Variants in PLEKHH2 observed in about 807,000 individuals in gnomAD.
The protein encoded by PLEKHH2 is pleckstrin homology, MyTH4 and FERM domain containing H2, also known as pleckstrin homology domain-containing family H member 2.
Under a neutral mutation model 187.9 loss-of-function variants are expected in PLEKHH2, and 129 were observed. That is an observed-to-expected ratio of 0.69 (90% CI 0.59 to 0.79). The LOEUF is 0.79. Ranked by LOEUF, PLEKHH2 falls within the 30% of genes least tolerant of loss-of-function variation. The pLI is 0.00. For synonymous variants in PLEKHH2, 686 were observed against 605.6 expected (o/e 1.13, Z -1.95); for missense variants, 2,076 against 1,751.2 (o/e 1.19, Z -3.31).
At chr2:43,729,426 A>G (rs541971617) in intron 17 of PLEKHH2, among the ~76,000 whole-genome samples, 54 of 152,348 alleles carry the variant, frequency 3.5e-4, no homozygotes, top group Middle Eastern at 3.4e-3. Flanking sequence ...TCTGAATAAG[A>G]AAAGTGTAAA....
At chr2:43,691,180 A>G (rs988838348) in intron 3 of PLEKHH2, among the ~76,000 whole-genome samples, 2 of 152,160 alleles carry the variant, frequency 1.3e-5, no homozygotes, top group Non-Finnish European at 2.9e-5. Context: ...TAGCTCAGCT[A>G]CATCTGGGTT....
chr2:43,657,761 C>T (rs1666865188), intron 2 of PLEKHH2, among the ~76,000 whole-genome samples: 1 of 152,150 alleles, frequency 6.6e-6, no homozygotes, highest in Non-Finnish European at 1.5e-5. Flanking sequence ...AGAAGGTGGA[C>T]CTACCTCTGC....
chr2:43,699,599 G>A, intron 7 of PLEKHH2, 48 bp from the exon 8 acceptor site: 1 of 1,561,886 alleles, frequency 6.4e-7, no homozygotes. Flanking sequence ...TGTACAGAAA[G>A]ATTATATTCT....
intron 2 of PLEKHH2, among the ~76,000 whole-genome samples, chr2:43,667,853 A>G (rs981739173): frequency 7.2e-5 from 11 of 152,200 alleles, no homozygotes; most frequent in African/African-American, 2.7e-4. Flanking sequence ...CTGTTCTGGA[A>G]TTAAATGGTG....
intron 21 of PLEKHH2, chr2:43,741,391 A>C (rs961981907): frequency 1.3e-5 from 2 of 157,472 alleles, no homozygotes; most frequent in African/African-American, 4.8e-5. Context: ...ATTTCTCTGC[A>C]CATTGAATTC....
At chr2:43,734,310 A>G (rs7584217) in intron 19 of PLEKHH2, among the ~76,000 whole-genome samples, 61,993 of 152,082 alleles carry the variant, frequency 0.41, 14,721 homozygotes, top group African/African-American at 0.66. Flanking sequence ...TTGCTTTCAT[A>G]TGAGAATGCA....
At position 43,766,637 on chromosome 2, in the gene PLEKHH2, G is replaced by T. The variant is rs1335809771; in HGVS notation, c.*1039G>T. On this transcript the variant is annotated 3_prime_UTR_variant, in exon 30 of 30. Coordinates refer to ENST00000282406, the MANE Select transcript of PLEKHH2 (RefSeq NM_172069.4). Reference sequence around the variant, plus strand: ...TTTTTTGAGGCAGGGTCTCACTCTGGTTGCCCAGGCTGGAGTGCAGTGGTG... The same window carrying T: ...TTTTTTGAGGCAGGGTCTCACTCTGTTTGCCCAGGCTGGAGTGCAGTGGTG... The T allele has an allele frequency of 6.6e-6, 1 of 152,208 alleles. No individual in the cohort carries two copies. The highest frequency in any genetic ancestry group is 1.5e-5 in the Non-Finnish European group (1 of 68,226). The allele number at this position is 152,208 out of a possible 1,614,324, so 9.4% of individuals were successfully genotyped here.
At chr2:43,701,706 T>TAA (rs34834673) in intron 8 of PLEKHH2, among the ~76,000 whole-genome samples, 2 of 129,714 alleles carry the variant, frequency 1.5e-5, no homozygotes, top group Admixed American at 7.9e-5. Flanking sequence ...ACTGCTAGAC[T>TAA]AAAAAAAAAA....
intron 2 of PLEKHH2, among the ~76,000 whole-genome samples, chr2:43,670,801 G>T (rs1056016426): frequency 6.6e-6 from 1 of 151,944 alleles, no homozygotes; most frequent in Admixed American, 6.6e-5. Context: ...CTGACTCATA[G>T]TTTAACTCTC....
At position 43,700,515 on chromosome 2, in the gene PLEKHH2, T is replaced by TC; in HGVS notation, c.1559dup (p.Asn521LysfsTer4). 1 of 1,614,038 alleles carries TC rather than the reference T, an allele frequency of 6.2e-7. No homozygotes were observed. The highest frequency in any genetic ancestry group is 8.5e-7 in the Non-Finnish European group (1 of 1,180,008). ...TATTTTCCTATGACTCCTTGGACTCTCCAAATTCAGATGACCAGGAACACT... is the reference window on the plus strand; with the variant it reads ...TATTTTCCTATGACTCCTTGGACTCTCCCAAATTCAGATGACCAGGAACACT... On this transcript the variant is annotated frameshift_variant, in exon 8 of 30. Coordinates refer to ENST00000282406, the MANE Select transcript of PLEKHH2 (RefSeq NM_172069.4). LOFTEE classifies it high-confidence loss of function.
intron 2 of PLEKHH2, among the ~76,000 whole-genome samples, chr2:43,656,151 T>A (rs1373292240): frequency 6.6e-6 from 1 of 152,102 alleles, no homozygotes; most frequent in Non-Finnish European, 1.5e-5. Flanking sequence ...GAGATGGGAT[T>A]TTGCCATGTT....
At chr2:43,722,134 T>C (rs1670512138) in intron 16 of PLEKHH2, among the ~76,000 whole-genome samples, 1 of 150,770 alleles carries the variant, frequency 6.6e-6, no homozygotes, top group Non-Finnish European at 1.5e-5. Flanking sequence ...TGCATGCTTG[T>C]AGTCCTGGCT....
chr2:43,683,124 T>G lies in PLEKHH2; in HGVS notation c.186+4199T>G, dbSNP rs183830459. Among the ~76,000 whole-genome samples the G allele has an allele frequency of 6.5e-3, 979 of 151,384 alleles. 15 individuals carry two copies. Among genetic ancestry groups the G allele is most frequent in the African/African-American group, 0.023 (938 of 41,244 alleles). ...TATTTGTTTGAGTACCCCTTTTTAATTCTTTTATTTATATACCCTTTTTTT... is the reference window on the plus strand; with the variant it reads ...TATTTGTTTGAGTACCCCTTTTTAAGTCTTTTATTTATATACCCTTTTTTT... On this transcript the variant is annotated intron_variant, in intron 3 of 29. Coordinates refer to ENST00000282406, the MANE Select transcript of PLEKHH2 (RefSeq NM_172069.4).
At position 43,674,717 on chromosome 2, in the gene PLEKHH2, G is replaced by A. The variant is rs371792127; in HGVS notation, c.124-4146G>A. Among the ~76,000 whole-genome samples the A allele has an allele frequency of 2.0e-5, 3 of 152,176 alleles. No homozygotes were observed. In the East Asian group the frequency reaches 5.8e-4, roughly 29 times the overall value. ...TGCTGCCATGGGGCTGCGTGTGGTG[G>A]GTCATGCCTGTAATCTCAGCACTTT... On this transcript the variant is annotated intron_variant, in intron 2 of 29. Transcript: ENST00000282406.
chr2:43,709,174 T>C (rs1669820809), intron 11 of PLEKHH2, among the ~76,000 whole-genome samples: 1 of 152,194 alleles, frequency 6.6e-6, no homozygotes, highest in South Asian at 2.1e-4. Flanking sequence ...GTGAAAGAAA[T>C]AGTTTGTTTA....
chr2:43,700,361 T>A lies in PLEKHH2; in HGVS notation c.1403T>A (p.Met468Lys). The stretch of plus-strand genomic sequence containing the variant: ...CAGCCACAGTTAAGCTCTGACAGGA[T>A]GTTTGGTACAAATAGAAACGCTATA... Reference protein sequence around the residue: ...LSQPQLSSDRMFGTNRNAISM... With the variant: ...LSQPQLSSDRKFGTNRNAISM... Residue 468 changes from methionine (M) to lysine (K), a missense_variant, in exon 8 of 30, where the codon ATG becomes AAG. Met to Lys is a moderately conservative substitution (Grantham distance 95, BLOSUM62 -1). Transcript: ENST00000282406. The A allele has an allele frequency of 6.2e-7, 1 of 1,614,170 alleles. No individual in the cohort carries two copies. Among genetic ancestry groups the A allele is most frequent in the Non-Finnish European group, 8.5e-7 (1 of 1,180,030 alleles).
intron 3 of PLEKHH2, among the ~76,000 whole-genome samples, chr2:43,683,624 C>T (rs369797633): frequency 1.3e-5 from 2 of 151,944 alleles, no homozygotes; most frequent in African/African-American, 4.8e-5. Flanking sequence ...CTATTGCATA[C>T]CTATGATGTG....
rs1373318640 is a variant in PLEKHH2, at chr2:43,704,044, AGT to A, written c.1717_1718del (p.Val573Ter). The A allele has an allele frequency of 6.3e-7, 1 of 1,592,706 alleles. No homozygotes were observed. Among genetic ancestry groups the A allele is most frequent in the Non-Finnish European group, 8.6e-7 (1 of 1,165,740 alleles). ...AATGTCTGAGGCCTTCAATATGGAG[AGT>A]GTTAATAAAAGTAAGTGCTTTTTCA... The part of the protein sequence containing the change: ...IRMSEAFNME[S>X]VNKNSAATLS... On this transcript the variant is annotated frameshift_variant, in exon 9 of 30. Coordinates refer to ENST00000282406, the MANE Select transcript of PLEKHH2 (RefSeq NM_172069.4). LOFTEE classifies it high-confidence loss of function.
At chr2:43,726,613 C>T (rs2374573) in intron 17 of PLEKHH2, among the ~76,000 whole-genome samples, 162 bp downstream of exon 17, 90,969 of 151,972 alleles carry the variant, frequency 0.6, 28,585 homozygotes, top group African/African-American at 0.77. Flanking sequence ...AAATGAGCCT[C>T]GTTCAAATAT....
Sources: gnomAD v4.1 joint callset for allele counts (sites outside exome capture counted in the v4.1 genomes callset) on GRCh38, gnomAD v4.1.1 for gene constraint, MANE v1.5 for transcripts, NCBI Gene and HGNC (gene_info 2026-07-23, HGNC 2026-07-21) for gene names.